CLASP2: variants seen among roughly 807,000 people sequenced by gnomAD.
CLASP2 encodes cytoplasmic linker associated protein 2, also known as CLIP-associating protein 2.
In CLASP2, 47 loss-of-function variants were observed where a neutral mutation model predicts 194.4. That is an observed-to-expected ratio of 0.24 (90% CI 0.19 to 0.31). The LOEUF is 0.31. CLASP2 is among the 10% of genes least tolerant of loss of function. The pLI is 1.00. For synonymous variants in CLASP2, 619 were observed against 633.5 expected (o/e 0.98, Z 0.34); for missense variants, 1,445 against 1,823.6 (o/e 0.79, Z 3.78).
rs892471364 is a variant in CLASP2 at position 33,718,014 on chromosome 3, C to T, written c.-12G>A. On this transcript the variant is annotated 5_prime_UTR_variant, in exon 1 of 39. Coordinates refer to ENST00000682230, the MANE Select transcript of CLASP2 (RefSeq NM_001365631.1). ...CTGCGGGGCTCCATGGCTGCGGCCGCCCGCCCGCCTGCCAGTCTGTGAGCG... is the reference window on the plus strand; with the variant it reads ...CTGCGGGGCTCCATGGCTGCGGCCGTCCGCCCGCCTGCCAGTCTGTGAGCG... 1.6e-4 allele frequency: 240 copies of T among 1,458,912 alleles called. No homozygotes were observed. The highest frequency in any genetic ancestry group is 2.0e-4 in the Non-Finnish European group (226 of 1,112,890). The allele number at this position is 1,458,912 out of a possible 1,614,324, so 90.4% of individuals were successfully genotyped here. A position where few individuals can be genotyped will look rare whatever the true frequency, so the allele number is the denominator to read the frequency against.
chr3:33,564,441 A>G (rs1376469576), intron 27 of CLASP2, among the ~76,000 whole-genome samples: 1 of 152,186 alleles, frequency 6.6e-6, no homozygotes, highest in East Asian at 1.9e-4. Context: ...CTTATGTTCT[A>G]TTAAGATCTG....
chr3:33,660,005 G>T (rs1367566434), intron 7 of CLASP2, among the ~76,000 whole-genome samples: 2 of 152,114 alleles, frequency 1.3e-5, no homozygotes, highest in Non-Finnish European at 2.9e-5. Context: ...TCTTTTCCTA[G>T]CAACTGTTTC....
At chr3:33,523,282 T>C (rs2053639141) in intron 34 of CLASP2, among the ~76,000 whole-genome samples, 1 of 151,940 alleles carries the variant, frequency 6.6e-6, no homozygotes, top group South Asian at 2.1e-4. Context: ...CCTCCAAAAT[T>C]TGATGAAAGA....
At chr3:33,564,094 TTTATG>T (rs2062241709) in intron 27 of CLASP2, 1 of 359,130 alleles carries the variant, frequency 2.8e-6, no homozygotes, top group South Asian at 2.1e-5. Context: ...TTTTTCTGTA[TTTATG>T]TTATTTTCCC....
At chr3:33,670,131 C>T (rs901240994) in intron 6 of CLASP2, among the ~76,000 whole-genome samples, 34 of 151,902 alleles carry the variant, frequency 2.2e-4, no homozygotes, top group African/African-American at 6.5e-4. Context: ...CACACACACA[C>T]GTAAAAAACA....
chr3:33,677,059 T>A (rs1433907370), intron 6 of CLASP2, among the ~76,000 whole-genome samples: 7 of 151,814 alleles, frequency 4.6e-5, no homozygotes, highest in Admixed American at 4.6e-4. Flanking sequence ...AAACAACAGG[T>A]GCTGGAGAGG....
intron 8 of CLASP2, among the ~76,000 whole-genome samples, chr3:33,634,558 C>T (rs897035726): frequency 6.6e-6 from 1 of 152,068 alleles, no homozygotes; most frequent in Non-Finnish European, 1.5e-5. Flanking sequence ...TATCCTTTGA[C>T]CAACGAAGGA....
rs1440207101 is a variant in CLASP2 at position 33,651,301 on chromosome 3, T to TGAACCCA, written c.716-6405_716-6399dup. On this transcript the variant is annotated intron_variant, in intron 7 of 38. Transcript: ENST00000682230. Reference sequence around the variant, plus strand: ...GAGAGGCTGAGGCAGGAGACTCCCTTGAACCCAGGAAGTGGAGGCTGCAGT... The same window carrying TGAACCCA: ...GAGAGGCTGAGGCAGGAGACTCCCTTGAACCCAGAACCCAGGAAGTGGAGGCTGCAGT... 1.0e-4 allele frequency among the ~76,000 whole-genome samples: 15 copies of TGAACCCA among 150,260 alleles called. No homozygotes were observed. The East Asian group carries it at 3.0e-3, about 30-fold the overall frequency.
chr3:33,598,161 CTTTTT>C (rs576934464), intron 18 of CLASP2, among the ~76,000 whole-genome samples: 2 of 143,320 alleles, frequency 1.4e-5, no homozygotes, highest in Non-Finnish European at 3.1e-5. Flanking sequence ...TCTCACAGGT[CTTTTT>C]TTTTTTTTCA....
In CLASP2 at chr3:33,679,968, T is replaced by C. The variant is rs558704955; in HGVS notation, c.644+4391A>G. On this transcript the variant is annotated intron_variant, in intron 6 of 38. Coordinates refer to ENST00000682230, the MANE Select transcript of CLASP2 (RefSeq NM_001365631.1). ...CAGTTTTGTTCATAATTGCCAAAAC[T>C]TGGAAGCAAATTAGATGTCCCACAG... 3.7e-4 allele frequency among the ~76,000 whole-genome samples: 57 copies of C among 152,306 alleles called. 1 individual carries two copies. Among genetic ancestry groups the C allele is most frequent in the African/African-American group, 1.3e-3 (55 of 41,570 alleles).
At position 33,560,961 on chromosome 3, in the gene CLASP2, A is replaced by G. The variant is rs915933392; in HGVS notation, c.2777T>C (p.Met926Thr). Residue 926 changes from methionine (M) to threonine (T), a missense_variant, in exon 28 of 39, where the codon ATG (methionine) becomes ACG (threonine). Met to Thr is a moderately conservative substitution (Grantham distance 81). This residue lies in a region of CLASP2 where 732 missense variants were observed against 987.9 expected (regional missense o/e 0.74). Transcript: ENST00000682230. Reference protein sequence around the residue: ...ADPHGKRVFSMFLETLVDFIQ... With the variant: ...ADPHGKRVFSTFLETLVDFIQ... ...GAAATCCACTAGAGTCTCCAAAAAC[A>G]TGCTGAATACCTACAGTTGATAAAG... The G allele has an allele frequency of 3.7e-6, 6 of 1,613,690 alleles. No homozygotes were observed. The highest frequency in any genetic ancestry group is 5.1e-6 in the Non-Finnish European group (6 of 1,179,672).
chr3:33,670,067 T>C (rs1416089828), intron 6 of CLASP2, among the ~76,000 whole-genome samples: 1 of 152,050 alleles, frequency 6.6e-6, no homozygotes, highest in Non-Finnish European at 1.5e-5. Flanking sequence ...CAAAAGAATC[T>C]ATATATATAC....
chr3:33,660,191 G>A (rs1247420320), intron 7 of CLASP2, among the ~76,000 whole-genome samples: 2 of 152,148 alleles, frequency 1.3e-5, no homozygotes, highest in Non-Finnish European at 2.9e-5. Context: ...GTTTGTGCAG[G>A]AGACTGTCTA....
intron 27 of CLASP2, among the ~76,000 whole-genome samples, chr3:33,561,853 A>T (rs935396816): frequency 1.3e-5 from 2 of 152,140 alleles, no homozygotes; most frequent in Non-Finnish European, 2.9e-5. Flanking sequence ...GTCAGCCATA[A>T]TGTATTACTG....
intron 3 of CLASP2, among the ~76,000 whole-genome samples, chr3:33,688,672 T>C (rs575545077): frequency 6.6e-6 from 1 of 152,360 alleles, no homozygotes; most frequent in Admixed American, 6.5e-5. Context: ...GGATTTCTTC[T>C]ATAATTAAGA....
At chr3:33,658,682 C>T (rs1375169626) in intron 7 of CLASP2, among the ~76,000 whole-genome samples, 1 of 152,216 alleles carries the variant, frequency 6.6e-6, no homozygotes, top group East Asian at 1.9e-4. Flanking sequence ...ACATATTCCA[C>T]GTTTCTTCCA....
intron 7 of CLASP2, 76 bp downstream of exon 7, chr3:33,663,369 T>G (rs2085619933): frequency 9.6e-7 from 1 of 1,038,692 alleles, no homozygotes; most frequent in African/African-American, 1.6e-5. Flanking sequence ...TTTGAATCAG[T>G]GATATATAAT....
At position 33,549,742 on chromosome 3, in the gene CLASP2, C is replaced by T. The variant is rs1389128899; in HGVS notation, c.3153+1510G>A. 5.6e-5 allele frequency among the ~76,000 whole-genome samples: 8 copies of T among 142,292 alleles called. No homozygotes were observed. In the South Asian group the frequency reaches 9.0e-4, roughly 16 times the overall value. 93.3% of individuals were successfully genotyped at this position (142,292 alleles called of 152,430 possible). The stretch of plus-strand genomic sequence containing the variant: ...AATGTATATTCTGTGTACTTTTTTT[C>T]TTTTTTTTTTTTTTAAGATAAGGTC... On this transcript the variant is annotated intron_variant, in intron 30 of 38. Coordinates refer to ENST00000682230, the MANE Select transcript of CLASP2 (RefSeq NM_001365631.1).
At chr3:33,684,534 T>C in intron 5 of CLASP2, 78 bp from the exon 6 acceptor site, 1 of 886,440 alleles carries the variant, frequency 1.1e-6, no homozygotes, top group Non-Finnish European at 1.7e-6. Flanking sequence ...AACATTACAC[T>C]AACAGACCAA....
Sources: allele counts gnomAD v4.1 joint callset (sites outside exome capture counted in the v4.1 genomes callset), GRCh38; gene constraint gnomAD v4.1.1; regional missense constraint gnomAD v4.1.1; transcripts MANE v1.5; gene names NCBI Gene and HGNC (gene_info 2026-07-23, HGNC 2026-07-21).